The following PHF6 variants were observed in gnomAD, a reference collection of about 807,000 sequenced individuals.
PHF6 encodes PHD finger protein 6, also known as PHD-like zinc finger protein.
In PHF6, 7 loss-of-function variants were observed where a neutral mutation model predicts 34.0. That is an observed-to-expected ratio of 0.21 (90% confidence interval 0.12 to 0.39). The LOEUF is 0.39. Ranked by LOEUF, PHF6 falls within the 10% of genes least tolerant of loss-of-function variation. The pLI is 1.00. For missense variants in PHF6, 128 were observed against 262.8 expected (o/e 0.49, Z 3.55); for synonymous variants, 89 against 88.4 (o/e 1.01, Z -0.04).
chrX:134,382,087 C>T (rs1355605033), intron 3 of PHF6, among the ~76,000 whole-genome samples: 1 of 111,478 alleles, frequency 9.0e-6, no homozygotes, highest in Non-Finnish European at 1.9e-5. Context: ...CTCAGTAGAG[C>T]AGGAGGTGTG....
intron 5 of PHF6, among the ~76,000 whole-genome samples, chrX:134,411,321 C>T (rs931808130): frequency 3.6e-5 from 4 of 110,872 alleles, no homozygotes; most frequent in East Asian, 2.8e-4. Flanking sequence ...ATGAATCTTT[C>T]GTGACTTTTA....
Position 134,381,328 on chromosome X carries a change from G to A in PHF6, c.240+3222G>A, listed in dbSNP as rs748939632. Among the ~76,000 whole-genome samples the A allele has an allele frequency of 5.4e-5, 6 of 111,013 alleles. No individual in the cohort carries two copies. In the South Asian group the frequency reaches 2.3e-3, roughly 43 times the overall value. On this transcript the variant is annotated intron_variant, in intron 3 of 10. Coordinates refer to ENST00000370803, the MANE Select transcript of PHF6 (RefSeq NM_001015877.2). ...ATCATTTTTACATGATGTGCTATCAGGTAACCAAAATTCTAGATTTAAGTT... is the reference window on the plus strand; with the variant it reads ...ATCATTTTTACATGATGTGCTATCAAGTAACCAAAATTCTAGATTTAAGTT...
chrX:134,382,101 G>A (rs2077310175), intron 3 of PHF6, among the ~76,000 whole-genome samples: 1 of 111,511 alleles, frequency 9.0e-6, no homozygotes, highest in African/African-American at 3.3e-5. Flanking sequence ...AGGTGTGAGT[G>A]TTTGGTTTTT....
chrX:134,384,324 C>A (rs564436968), intron 3 of PHF6, among the ~76,000 whole-genome samples: 3 of 111,553 alleles, frequency 2.7e-5, no homozygotes, highest in East Asian at 5.6e-4. Flanking sequence ...GGTCTTCCAA[C>A]ATTAGAGAAG....
intron 9 of PHF6, among the ~76,000 whole-genome samples, chrX:134,421,210 A>G (rs1001587879): frequency 9.0e-6 from 1 of 111,495 alleles, no homozygotes; most frequent in Non-Finnish European, 1.9e-5. Flanking sequence ...GTCATCAAAG[A>G]CCCACATCAC....
In PHF6 at chrX:134,427,539, C is replaced by T. The variant is rs1165593960; in HGVS notation, c.*1879C>T. On this transcript the variant is annotated 3_prime_UTR_variant, in exon 11 of 11. Transcript: ENST00000370803. ...GGTGCCGGGGGTAATCATGGCCAGT[C>T]AATAATTATATAAAGGAGTTCAAAT... 4.5e-5 allele frequency: 7 copies of T among 156,216 alleles called. No homozygotes were observed. Among genetic ancestry groups the T allele is most frequent in the Non-Finnish European group, 8.7e-5 (7 of 80,691 alleles). 12.9% of individuals were successfully genotyped at this position (156,216 alleles called of 1,213,427 possible). A position where few individuals can be genotyped will look rare whatever the true frequency, so the allele number is the denominator to read the frequency against.
chrX:134,394,618 G>T (rs2077369215), intron 5 of PHF6, among the ~76,000 whole-genome samples: 2 of 106,367 alleles, frequency 1.9e-5, no homozygotes, highest in Non-Finnish European at 3.9e-5. Context: ...TTGGCTCACT[G>T]CAAGCTCCGC....
chrX:134,425,174 T>G, intron 9 of PHF6, 27 bp from the exon 10 acceptor site: 1 of 1,207,964 alleles, frequency 8.3e-7, no homozygotes, highest in Non-Finnish European at 1.1e-6. Flanking sequence ...CAAAGCATTT[T>G]GAGATTTTTG....
chrX:134,415,189 C>A (rs1325006293), intron 8 of PHF6, 69 bp downstream of exon 8: 1 of 1,205,447 alleles, frequency 8.3e-7, no homozygotes. Context: ...GAGTACATCC[C>A]AAATTTATCC....
At chrX:134,393,101 A>C (rs2077362100) in intron 3 of PHF6, among the ~76,000 whole-genome samples, 1 of 112,015 alleles carries the variant, frequency 8.9e-6, no homozygotes, top group African/African-American at 3.2e-5. Context: ...CTTAGCAATT[A>C]AGTGGAAATT....
chrX:134,393,403 C>A, intron 3 of PHF6, 98 bp from the exon 4 acceptor site: 1 of 925,273 alleles, frequency 1.1e-6, no homozygotes, highest in Non-Finnish European at 1.5e-6. Flanking sequence ...TTTCAATAAC[C>A]AATTTGTTTT....
chrX:134,415,271 A>G (rs778840315), intron 8 of PHF6, 151 bp downstream of exon 8: 1 of 957,001 alleles, frequency 1.0e-6, no homozygotes, highest in Admixed American at 2.4e-5. Context: ...TAATATAATA[A>G]AGGATGCTGA....
chrX:134,376,899 C>T lies in PHF6; in HGVS notation c.-46-673C>T, dbSNP rs779668018. Among the ~76,000 whole-genome samples, 3 of 111,552 alleles carry T rather than the reference C, an allele frequency of 2.7e-5. No homozygotes were observed. The Admixed American group carries it at 2.9e-4, about 11-fold the overall frequency. ...AATAATTTTTAAAGTGCACCAAAGT[C>T]ATAGTTAGGTAAATTCGTTTTACTT... On this transcript the variant is annotated intron_variant, in intron 1 of 10. Transcript: ENST00000370803.
intron 5 of PHF6, among the ~76,000 whole-genome samples, chrX:134,399,793 A>G (rs140716542): frequency 1.0e-3 from 113 of 110,711 alleles, no homozygotes; most frequent in African/African-American, 3.6e-3. Flanking sequence ...TTATCACCCA[A>G]AGTCCATAGT....
At chrX:134,425,448 C>A in intron 10 of PHF6, 118 bp downstream of exon 10, 1 of 892,500 alleles carries the variant, frequency 1.1e-6, no homozygotes, top group Non-Finnish European at 1.6e-6. Flanking sequence ...TAGTTAAGAG[C>A]ATGTTACTAA....
intron 9 of PHF6, among the ~76,000 whole-genome samples, chrX:134,423,423 T>G (rs751615169): frequency 1.8e-5 from 2 of 112,082 alleles, no homozygotes; most frequent in Non-Finnish European, 3.8e-5. Context: ...TCCCATTTCT[T>G]GTAAACTAGA....
intron 3 of PHF6, among the ~76,000 whole-genome samples, chrX:134,380,148 C>T (rs1227922829): frequency 1.9e-5 from 2 of 105,456 alleles, no homozygotes; most frequent in African/African-American, 6.8e-5. Context: ...TTTATTTGGA[C>T]CTTTTTTTTT....
intron 5 of PHF6, among the ~76,000 whole-genome samples, chrX:134,398,139 T>A (rs1304399803): frequency 5.4e-5 from 6 of 111,936 alleles, no homozygotes; most frequent in Non-Finnish European, 1.1e-4. Flanking sequence ...ATGCCTGTAA[T>A]CCCAGCATTT....
At position 134,426,248 on chromosome X, in the gene PHF6, C is replaced by T. The variant is rs2077507162; in HGVS notation, c.*588C>T. 6.2e-6 allele frequency: 1 copy of T among 160,998 alleles called. No individual in the cohort carries two copies. The highest frequency in any genetic ancestry group is 9.2e-5 in the East Asian group (1 of 10,847). 13.3% of individuals were successfully genotyped at this position (160,998 alleles called of 1,213,427 possible). A position where few individuals can be genotyped will look rare whatever the true frequency, so the allele number is the denominator to read the frequency against. ...TTGTTCTCACTGACCAGCATGGACT[C>T]AGGCAACTGGTAATGATAAGCTATG... On this transcript the variant is annotated 3_prime_UTR_variant, in exon 11 of 11. Coordinates refer to ENST00000370803, the MANE Select transcript of PHF6 (RefSeq NM_001015877.2).
Sources: gnomAD v4.1 joint callset for allele counts (sites outside exome capture counted in the v4.1 genomes callset) on GRCh38, gnomAD v4.1.1 for gene constraint, MANE v1.5 for transcripts, NCBI Gene and HGNC (gene_info 2026-07-23, HGNC 2026-07-21) for gene names.